TMCO4: variants seen among roughly 807,000 people sequenced by gnomAD.
TMCO4 encodes transmembrane and coiled-coil domains 4.
Under a neutral mutation model 64.7 loss-of-function variants are expected in TMCO4, and 58 were observed. That is an observed-to-expected ratio of 0.90 (90% CI 0.73 to 1.12). The LOEUF is 1.12. TMCO4 is among the 50% of genes most tolerant of loss of function. The pLI, the probability that TMCO4 is intolerant of heterozygous loss-of-function variation, is 0.00. For synonymous variants in TMCO4, 325 were observed against 346.1 expected, an observed-to-expected ratio of 0.94 and a Z score of 0.68; for missense variants, 780 against 825.9, an observed-to-expected ratio of 0.94 and a Z score of 0.68.
chr1:19,788,958 C>T (rs1213468318), intron 2 of TMCO4, among the ~76,000 whole-genome samples: 1 of 152,004 alleles, frequency 6.6e-6, no homozygotes, highest in Non-Finnish European at 1.5e-5. Context: ...GCCTGTAGTC[C>T]CAGCTACTCA....
At position 19,778,289 on chromosome 1, in the gene TMCO4, T is replaced by C. The variant is rs567794825; in HGVS notation, c.179+2291A>G. On this transcript the variant is annotated intron_variant, in intron 4 of 15. Coordinates refer to ENST00000294543, the MANE Select transcript of TMCO4 (RefSeq NM_181719.7). ...TTATTTATTTATTTATTTATTTATT[T>C]TTGAGACAGAGTCTTGCTCTGTTGC... Among the ~76,000 whole-genome samples the C allele has an allele frequency of 2.0e-5, 3 of 148,122 alleles. No individual in the cohort carries two copies. In the South Asian group the frequency reaches 6.6e-4, roughly 32 times the overall value.
At chr1:19,744,929 T>TACTGAAC (rs1240114535) in intron 10 of TMCO4, among the ~76,000 whole-genome samples, 1 of 152,138 alleles carries the variant, frequency 6.6e-6, no homozygotes, top group East Asian at 1.9e-4. Flanking sequence ...AAGACCTGGT[T>TACTGAAC]CAGTATATGA....
At chr1:19,762,604 G>C (rs1019165352) in intron 6 of TMCO4, among the ~76,000 whole-genome samples, 1 of 152,158 alleles carries the variant, frequency 6.6e-6, no homozygotes, top group Non-Finnish European at 1.5e-5. Context: ...CTTCATTATC[G>C]AACACTCTTA....
intron 13 of TMCO4, among the ~76,000 whole-genome samples, chr1:19,729,586 T>C (rs1363404048): frequency 3.3e-5 from 5 of 151,422 alleles, no homozygotes; most frequent in African/African-American, 9.7e-5. Context: ...GCCAACATGG[T>C]GAAACCCCGT....
At chr1:19,695,242 A>T (rs1427892181) in intron 14 of TMCO4, among the ~76,000 whole-genome samples, 1 of 152,244 alleles carries the variant, frequency 6.6e-6, no homozygotes, top group African/African-American at 2.4e-5. Context: ...CACTATCCAG[A>T]AGAAATGACC....
chr1:19,741,576 C>T (rs779943896), intron 10 of TMCO4, among the ~76,000 whole-genome samples: 24 of 152,096 alleles, frequency 1.6e-4, no homozygotes, highest in Non-Finnish European at 2.6e-4. Context: ...ACCACTGTAG[C>T]GGCCGATGCC....
intron 13 of TMCO4, among the ~76,000 whole-genome samples, chr1:19,722,095 C>T (rs1557512462): frequency 6.6e-6 from 1 of 152,182 alleles, no homozygotes; most frequent in Non-Finnish European, 1.5e-5. Context: ...CGTTTCCTAT[C>T]ACTAGAAGCA....
intron 13 of TMCO4, among the ~76,000 whole-genome samples, chr1:19,713,539 T>C (rs2095341585): frequency 6.6e-6 from 1 of 151,910 alleles, no homozygotes; most frequent in Non-Finnish European, 1.5e-5. Flanking sequence ...GTAGAATCCT[T>C]TAGGCAAGAT....
intron 13 of TMCO4, among the ~76,000 whole-genome samples, chr1:19,719,107 T>C (rs2095370164): frequency 6.6e-6 from 1 of 152,202 alleles, no homozygotes; most frequent in Non-Finnish European, 1.5e-5. Flanking sequence ...CACATCTCTG[T>C]TCAATCAGGC....
chr1:19,789,113 A>G (rs958817618), intron 2 of TMCO4, among the ~76,000 whole-genome samples: 1 of 151,190 alleles, frequency 6.6e-6, no homozygotes, highest in Admixed American at 6.6e-5. Flanking sequence ...AACAACAACC[A>G]TGTTTCAGCC....
At chr1:19,720,694 A>G (rs954513848) in intron 13 of TMCO4, among the ~76,000 whole-genome samples, 6 of 152,206 alleles carry the variant, frequency 3.9e-5, no homozygotes, top group Non-Finnish European at 8.8e-5. Context: ...TCGAAAAAAT[A>G]AAGAACAATG....
chr1:19,709,341 C>A (rs561638418), intron 13 of TMCO4, among the ~76,000 whole-genome samples: 1 of 141,532 alleles, frequency 7.1e-6, no homozygotes, highest in Admixed American at 7.1e-5. Flanking sequence ...CCTCCTTCTC[C>A]CCTCCCCCCA....
chr1:19,765,071 A>G (rs1382826662), intron 6 of TMCO4, among the ~76,000 whole-genome samples: 1 of 152,122 alleles, frequency 6.6e-6, no homozygotes, highest in Non-Finnish European at 1.5e-5. Context: ...TCCAGGGCCT[A>G]GAGGTGATCC....
chr1:19,797,331 G>A (rs756025413), intron 2 of TMCO4, among the ~76,000 whole-genome samples: 25 of 152,240 alleles, frequency 1.6e-4, no homozygotes, highest in Admixed American at 3.9e-4. Flanking sequence ...CTGGGCATTT[G>A]GAGTACAAGT....
intron 4 of TMCO4, among the ~76,000 whole-genome samples, chr1:19,773,071 T>C (rs2101033478): frequency 6.6e-6 from 1 of 152,188 alleles, no homozygotes; most frequent in South Asian, 2.1e-4. Context: ...GTACCTGTAG[T>C]CCCATATATT....
intron 13 of TMCO4, among the ~76,000 whole-genome samples, chr1:19,701,553 T>C (rs183279000): frequency 6.6e-4 from 101 of 152,236 alleles, no homozygotes; most frequent in Non-Finnish European, 5.0e-4. Context: ...ACAGCCTGGG[T>C]TGGAACCCAG....
At chr1:19,714,930 A>T (rs1420356585) in intron 13 of TMCO4, among the ~76,000 whole-genome samples, 8 of 151,890 alleles carry the variant, frequency 5.3e-5, no homozygotes, top group Non-Finnish European at 1.2e-4. Context: ...TCTCAAAATA[A>T]ATAAATAAAT....
rs1337806827 is a variant in TMCO4, at chr1:19,770,681, C to T, written c.355-112G>A. The T allele has an allele frequency of 7.3e-6, 8 of 1,094,392 alleles. No individual in the cohort carries two copies. In the Admixed American group the frequency reaches 1.4e-4, roughly 19 times the overall value. 67.8% of individuals were successfully genotyped at this position (1,094,392 alleles called of 1,614,324 possible). A position where few individuals can be genotyped will look rare whatever the true frequency, so the allele number is the denominator to read the frequency against. On this transcript the variant is annotated intron_variant, in intron 5 of 15. Coordinates refer to ENST00000294543, the MANE Select transcript of TMCO4 (RefSeq NM_181719.7). Reference sequence around the variant, plus strand: ...GCAGAACAAGACAGACAAAAAGCCACTGCCCTAGATTCTAGACGTGAGCCA... The same window carrying T: ...GCAGAACAAGACAGACAAAAAGCCATTGCCCTAGATTCTAGACGTGAGCCA...
intron 13 of TMCO4, among the ~76,000 whole-genome samples, chr1:19,713,737 CA>C (rs5772865): frequency 6.6e-6 from 1 of 151,412 alleles, no homozygotes; most frequent in Non-Finnish European, 1.5e-5. Flanking sequence ...ACAACAAAAA[CA>C]AAAAAAACAT....
Sources: gnomAD v4.1 joint callset for allele counts (sites outside exome capture counted in the v4.1 genomes callset) on GRCh38, gnomAD v4.1.1 for gene constraint, MANE v1.5 for transcripts, NCBI Gene and HGNC (gene_info 2026-07-23, HGNC 2026-07-21) for gene names.